Variants in GALNT10 observed in about 807,000 individuals in gnomAD.
The protein encoded by GALNT10 is GalNAc transferase 10.
Under a neutral mutation model 75.0 loss-of-function variants are expected in GALNT10, and 41 were observed. The observed-to-expected ratio is 0.55, with a 90% CI of 0.43 to 0.71. GALNT10 has a LOEUF of 0.71. GALNT10 is among the 30% of genes least tolerant of loss of function. The pLI, the probability that GALNT10 is intolerant of heterozygous loss-of-function variation, is 0.00. For missense variants in GALNT10, 727 were observed against 818.5 expected, an observed-to-expected ratio of 0.89 and a Z score of 1.36; for synonymous variants, 302 against 313.0, an observed-to-expected ratio of 0.96 and a Z score of 0.37.
At chr5:154,241,971 A>C (rs947660381) in intron 1 of GALNT10, among the ~76,000 whole-genome samples, 1 of 152,182 alleles carries the variant, frequency 6.6e-6, no homozygotes. Context: ...CAGGCTTCTT[A>C]TTCTTCATCA....
intron 1 of GALNT10, among the ~76,000 whole-genome samples, chr5:154,215,239 T>A (rs972935397): frequency 6.6e-6 from 1 of 151,838 alleles, no homozygotes; most frequent in Non-Finnish European, 1.5e-5. Flanking sequence ...TCCCAGCACT[T>A]TGGGAGGCTG....
intron 1 of GALNT10, among the ~76,000 whole-genome samples, chr5:154,217,096 C>T (rs1363374399): frequency 1.3e-5 from 2 of 152,172 alleles, no homozygotes; most frequent in African/African-American, 2.4e-5. Context: ...CAGCAGTTAT[C>T]GAAAGCCTTG....
At chr5:154,395,316 A>G (rs1271740045) in intron 7 of GALNT10, among the ~76,000 whole-genome samples, 3 of 152,232 alleles carry the variant, frequency 2.0e-5, no homozygotes, top group African/African-American at 7.2e-5. Flanking sequence ...TTCAGCATCA[A>G]ACTGCCTGGG....
chr5:154,286,313 A>G (rs866862573), intron 1 of GALNT10, among the ~76,000 whole-genome samples: 1 of 152,028 alleles, frequency 6.6e-6, no homozygotes, highest in Admixed American at 6.6e-5. Context: ...GGACAGACAG[A>G]CAGATGGACA....
intron 1 of GALNT10, among the ~76,000 whole-genome samples, chr5:154,266,260 A>G (rs1309767430): frequency 6.6e-6 from 1 of 152,180 alleles, no homozygotes; most frequent in Non-Finnish European, 1.5e-5. Flanking sequence ...GAGTGAAGAA[A>G]GCAGGCTCCA....
intron 6 of GALNT10, among the ~76,000 whole-genome samples, chr5:154,385,941 C>A (rs1755800805): frequency 6.6e-6 from 1 of 152,198 alleles, no homozygotes; most frequent in Non-Finnish European, 1.5e-5. Flanking sequence ...GATTCTACAA[C>A]ACAGACAGGC....
At chr5:154,292,703 T>C (rs796114396) in intron 1 of GALNT10, among the ~76,000 whole-genome samples, 25 of 152,272 alleles carry the variant, frequency 1.6e-4, no homozygotes, top group African/African-American at 5.8e-4. Context: ...GGAAATTTGA[T>C]ATCTATTTAT....
intron 1 of GALNT10, among the ~76,000 whole-genome samples, chr5:154,191,774 C>T (rs917194206): frequency 1.3e-5 from 2 of 152,242 alleles, no homozygotes; most frequent in Non-Finnish European, 2.9e-5. Flanking sequence ...GCTATTGGTG[C>T]CCAGTGTCCT....
intron 1 of GALNT10, among the ~76,000 whole-genome samples, chr5:154,275,374 G>A (rs1364856976): frequency 1.3e-5 from 2 of 152,196 alleles, no homozygotes; most frequent in East Asian, 3.8e-4. Context: ...TGCCATGACA[G>A]CCAGGTGCAT....
intron 1 of GALNT10, among the ~76,000 whole-genome samples, chr5:154,264,783 T>G (rs548004099): frequency 6.6e-6 from 1 of 152,332 alleles, no homozygotes; most frequent in African/African-American, 2.4e-5. Flanking sequence ...AATGAACACT[T>G]GTTTCCTCTT....
At chr5:154,206,323 A>AG (rs1370783912) in intron 1 of GALNT10, among the ~76,000 whole-genome samples, 1 of 152,210 alleles carries the variant, frequency 6.6e-6, no homozygotes, top group Non-Finnish European at 1.5e-5. Context: ...ACTTAACTGT[A>AG]TTATCCTTTT....
Position 154,409,645 on chromosome 5 carries a change from G to A in GALNT10, c.1269G>A (p.Gln423=), listed in dbSNP as rs1156965508. 6.2e-7 allele frequency: 1 copy of A among 1,614,052 alleles called. No homozygotes were observed. The highest frequency in any genetic ancestry group is 2.2e-5 in the East Asian group (1 of 44,886). The change falls in exon 9 of 12, where the codon CAG becomes CAA. Residue 423 remains glutamine (Q), a synonymous_variant. Coordinates refer to ENST00000297107, the MANE Select transcript of GALNT10 (RefSeq NM_198321.4). This position sits in a 1 kb window ranked among gnomAD's most constrained non-coding sequence, Gnocchi z 4.5. Reference sequence around the variant, plus strand: ...TCTCCGCTGGGGATGTCGCAGTCCAGAAAAAGCTCCGCAGCTCCCTTAACT... The same window carrying A: ...TCTCCGCTGGGGATGTCGCAGTCCAAAAAAAGCTCCGCAGCTCCCTTAACT... ...RHLSAGDVAV[Q]KKLRSSLNCK... is the part of the protein sequence containing the mutation.
At chr5:154,247,193 C>T (rs539024611) in intron 1 of GALNT10, among the ~76,000 whole-genome samples, 18 of 152,184 alleles carry the variant, frequency 1.2e-4, no homozygotes, top group African/African-American at 2.6e-4. Context: ...ACCAGTATCA[C>T]GCTGTTTTGG....
At chr5:154,351,766 A>T (rs1349449820) in intron 4 of GALNT10, among the ~76,000 whole-genome samples, 2 of 152,166 alleles carry the variant, frequency 1.3e-5, no homozygotes, top group Non-Finnish European at 2.9e-5. Flanking sequence ...GACTGCTTCC[A>T]CTTTATAAAT....
Position 154,416,425 on chromosome 5 carries a change from C to T in GALNT10, c.1654-389C>T, listed in dbSNP as rs1272673560. 2.0e-5 allele frequency among the ~76,000 whole-genome samples: 3 copies of T among 148,098 alleles called. No homozygotes were observed. Among genetic ancestry groups the T allele is most frequent in the Non-Finnish European group, 4.5e-5 (3 of 67,226 alleles). ...TCCAGCCTGGGTGACAGAGTGAGAACCTGTCTCAAAAAAATTAAAAAAATT... is the reference window on the plus strand; with the variant it reads ...TCCAGCCTGGGTGACAGAGTGAGAATCTGTCTCAAAAAAATTAAAAAAATT... On this transcript the variant is annotated intron_variant, in intron 11 of 11. Coordinates refer to ENST00000297107, the MANE Select transcript of GALNT10 (RefSeq NM_198321.4). The surrounding 1 kb of genome is among the most constrained non-coding windows in gnomAD (Gnocchi z 4.5).
chr5:154,241,079 C>G (rs1463520393), intron 1 of GALNT10, among the ~76,000 whole-genome samples: 1 of 152,154 alleles, frequency 6.6e-6, no homozygotes, highest in Admixed American at 6.5e-5. Context: ...CCACGGTGTT[C>G]TGCCTGATAG....
At chr5:154,227,036 T>C (rs1393402637) in intron 1 of GALNT10, among the ~76,000 whole-genome samples, 1 of 152,248 alleles carries the variant, frequency 6.6e-6, no homozygotes, top group Admixed American at 6.5e-5. Context: ...GTTCCCTTTT[T>C]ATTGGGAAAT....
chr5:154,281,327 T>G (rs1310160684), intron 1 of GALNT10, among the ~76,000 whole-genome samples: 1 of 152,222 alleles, frequency 6.6e-6, no homozygotes, highest in Admixed American at 6.5e-5. Flanking sequence ...TGGAAATCAG[T>G]ATTTTAACAT....
chr5:154,281,998 T>C (rs953624234), intron 1 of GALNT10, among the ~76,000 whole-genome samples: 2 of 152,230 alleles, frequency 1.3e-5, no homozygotes, highest in African/African-American at 4.8e-5. Context: ...TTTTGTGCTA[T>C]AATAACAGAT....
Sources: gnomAD v4.1 joint callset for allele counts (sites outside exome capture counted in the v4.1 genomes callset) on GRCh38, gnomAD v4.1.1 for gene constraint, Gnocchi (gnomAD v3.1) non-coding constraint, MANE v1.5 for transcripts, NCBI Gene and HGNC (gene_info 2026-07-23, HGNC 2026-07-21) for gene names.